Variants in MCPH1 observed in about 807,000 individuals in gnomAD.
The protein encoded by MCPH1 is microcephalin.
In MCPH1, 104 loss-of-function variants were observed where a neutral mutation model predicts 84.5. The observed-to-expected ratio is 1.23, with a 90% CI of 1.05 to 1.45. The LOEUF is 1.45. Ranked by LOEUF, MCPH1 falls within the 40% of genes most tolerant of loss-of-function variation. The pLI, the probability that MCPH1 is intolerant of heterozygous loss-of-function variation, is 0.00. For missense variants in MCPH1, 1,498 were observed against 1,005.7 expected, an observed-to-expected ratio of 1.49 and a Z score of -6.62; for synonymous variants, 514 against 366.8, an observed-to-expected ratio of 1.40 and a Z score of -4.58.
At chr8:6,447,338 G>C in intron 8 of MCPH1, 1 of 985,344 alleles carries the variant, frequency 1.0e-6, no homozygotes, top group Non-Finnish European at 1.2e-6. Flanking sequence ...ATGGAGGGGT[G>C]AAAACTTCTG....
chr8:6,554,368 G>A (rs916195717), intron 12 of MCPH1, among the ~76,000 whole-genome samples: 2 of 151,420 alleles, frequency 1.3e-5, no homozygotes, highest in Admixed American at 6.6e-5. Context: ...TCACGTTCTC[G>A]CCCCCAAAAG....
At chr8:6,459,234 A>G (rs1318666540) in intron 9 of MCPH1, among the ~76,000 whole-genome samples, 1 of 152,160 alleles carries the variant, frequency 6.6e-6, no homozygotes, top group Non-Finnish European at 1.5e-5. Flanking sequence ...TTAGATTTCA[A>G]GATAAACTGT....
At chr8:6,464,708 G>A (rs772127997) in intron 9 of MCPH1, among the ~76,000 whole-genome samples, 33 of 152,134 alleles carry the variant, frequency 2.2e-4, no homozygotes, top group Admixed American at 1.4e-3. Context: ...TTTAAGATCT[G>A]CTGCTTTGGC....
intron 3 of MCPH1, among the ~76,000 whole-genome samples, chr8:6,420,860 T>C (rs1223671840): frequency 1.3e-5 from 2 of 152,162 alleles, no homozygotes; most frequent in Admixed American, 6.5e-5. Flanking sequence ...AAAGAAAGAA[T>C]TCCACGGAGG....
At chr8:6,479,353 TC>T (rs1808885712) in intron 10 of MCPH1, among the ~76,000 whole-genome samples, 1 of 152,098 alleles carries the variant, frequency 6.6e-6, no homozygotes, top group Admixed American at 6.6e-5. Flanking sequence ...AATAACCTCT[TC>T]CCCTTTGTAA....
At chr8:6,447,777 G>A (rs563966575) in intron 8 of MCPH1, among the ~76,000 whole-genome samples, 5 of 152,118 alleles carry the variant, frequency 3.3e-5, no homozygotes, top group Non-Finnish European at 7.4e-5. Context: ...TCTTGAACTC[G>A]CGACCTCATG....
chr8:6,611,791 TG>T (rs1435357937), intron 12 of MCPH1, among the ~76,000 whole-genome samples: 1 of 152,030 alleles, frequency 6.6e-6, no homozygotes, highest in African/African-American at 2.4e-5. Context: ...GCTAATTTTT[TG>T]TATTTTTAGC....
chr8:6,460,439 C>T lies in MCPH1; in HGVS notation c.1935+5187C>T, dbSNP rs139170255. On this transcript the variant is annotated intron_variant, in intron 9 of 13. Coordinates refer to ENST00000344683, the MANE Select transcript of MCPH1 (RefSeq NM_024596.5). ...CCACGTTGGCCAGGCTGGTCTCGAA[C>T]GCCTGGTCTCAAACAATCCTCCTAC... 2.0e-4 allele frequency among the ~76,000 whole-genome samples: 30 copies of T among 152,024 alleles called. 1 individual carries two copies. The highest frequency in any genetic ancestry group is 5.8e-4 in the African/African-American group (24 of 41,458).
At chr8:6,491,304 A>T (rs1199101706) in intron 11 of MCPH1, among the ~76,000 whole-genome samples, 16 of 151,416 alleles carry the variant, frequency 1.1e-4, no homozygotes, top group Non-Finnish European at 2.4e-4. Context: ...CAATTCCAGA[A>T]TAATGTCTCA....
chr8:6,577,180 C>A (rs1479501547), intron 12 of MCPH1, among the ~76,000 whole-genome samples: 1 of 152,204 alleles, frequency 6.6e-6, no homozygotes, highest in East Asian at 1.9e-4. Flanking sequence ...ATCCAGGTGG[C>A]CAGCGCCTCT....
At chr8:6,432,241 C>T (rs1411859463) in intron 4 of MCPH1, among the ~76,000 whole-genome samples, 5 of 152,246 alleles carry the variant, frequency 3.3e-5, no homozygotes, top group African/African-American at 1.2e-4. Context: ...ATTGGGATTA[C>T]AGGCGTGAGC....
At chr8:6,517,875 G>A (rs1233661560) in intron 12 of MCPH1, among the ~76,000 whole-genome samples, 2 of 152,222 alleles carry the variant, frequency 1.3e-5, no homozygotes, top group Non-Finnish European at 2.9e-5. Context: ...GAATTTAGAA[G>A]TAACAATTGA....
chr8:6,629,371 A>G (rs1211806793), intron 13 of MCPH1, among the ~76,000 whole-genome samples: 1 of 152,220 alleles, frequency 6.6e-6, no homozygotes, highest in Non-Finnish European at 1.5e-5. Context: ...CTGAGGCAGG[A>G]GAATCCCTTG....
At chr8:6,407,079 T>G (rs1585533974) in intron 1 of MCPH1, 12 of 279,286 alleles carry the variant, frequency 4.3e-5, no homozygotes, top group East Asian at 3.4e-4. Context: ...CCTTTCCCCC[T>G]ACCTGCTTTC....
In MCPH1 at chr8:6,444,781, A is replaced by G; in HGVS notation, c.1059A>G (p.Ser353=). The change falls in exon 8 of 14, where the codon TCA becomes TCG. Residue 353 remains serine, a synonymous_variant. Transcript: ENST00000344683. ...TACATTCAAGACCCAGGAGTTCCTC[A>G]GTAAAGAGAAAAAGAGTATCACATG... The part of the protein sequence containing the change: ...LLIHSRPRSS[S]VKRKRVSHGS... 6.2e-7 allele frequency: 1 copy of G among 1,614,124 alleles called. No homozygotes were observed. Among genetic ancestry groups the G allele is most frequent in the East Asian group, 2.2e-5 (1 of 44,876 alleles).
At chr8:6,623,720 T>A (rs146782168) in intron 13 of MCPH1, among the ~76,000 whole-genome samples, 702 of 5,728 alleles carry the variant, frequency 0.12, 162 homozygotes, top group Non-Finnish European at 0.15. Flanking sequence ...AAAAAAAAAC[T>A]ATTGATTTTA....
intron 12 of MCPH1, among the ~76,000 whole-genome samples, chr8:6,561,138 T>A (rs3020238): frequency 0.024 from 3,629 of 152,342 alleles, 133 homozygotes; most frequent in African/African-American, 0.081. Flanking sequence ...GCATACTTTT[T>A]AAGCTTAGCG....
At chr8:6,407,166 C>A (rs1391862197) in intron 1 of MCPH1, 1 of 229,506 alleles carries the variant, frequency 4.4e-6, no homozygotes, top group Non-Finnish European at 8.8e-6. Flanking sequence ...GGTGTGGGGC[C>A]CTCCTGGGTC....
At chr8:6,462,254 T>G (rs972328081) in intron 9 of MCPH1, among the ~76,000 whole-genome samples, 1 of 152,258 alleles carries the variant, frequency 6.6e-6, no homozygotes, top group Admixed American at 6.5e-5. Flanking sequence ...ATAGCTTGCA[T>G]ATGCTGATAG....
Sources: gnomAD v4.1 joint callset for allele counts (sites outside exome capture counted in the v4.1 genomes callset) on GRCh38, gnomAD v4.1.1 for gene constraint, MANE v1.5 for transcripts, NCBI Gene and HGNC (gene_info 2026-07-23, HGNC 2026-07-21) for gene names.